Variants in MCU observed in about 807,000 individuals in gnomAD.
MCU encodes the protein calcium uniporter protein, mitochondrial.
A neutral mutation model predicts 45.2 loss-of-function variants in MCU; 12 were observed. The observed-to-expected ratio is 0.27, with a 90% CI of 0.17 to 0.43. The LOEUF (loss-of-function observed/expected upper bound fraction) is 0.43, where lower values mean the gene tolerates loss of function less well. MCU is among the 20% of genes least tolerant of loss of function. The pLI, the probability that MCU is intolerant of heterozygous loss-of-function variation, is 1.00. For synonymous variants in MCU, 160 were observed against 165.1 expected (o/e 0.97, Z 0.24); for missense variants, 324 against 436.7 (o/e 0.74, Z 2.30).
At chr10:72,851,669 T>C (rs201890669) in intron 2 of MCU, among the ~76,000 whole-genome samples, 8 of 152,322 alleles carry the variant, frequency 5.3e-5, no homozygotes, top group East Asian at 3.9e-4. Flanking sequence ...AACAGTGATG[T>C]TATCTGCATG....
chr10:72,869,016 C>T (rs532837008), intron 5 of MCU, among the ~76,000 whole-genome samples, 153 bp downstream of exon 5: 2 of 152,200 alleles, frequency 1.3e-5, no homozygotes, highest in African/African-American at 4.8e-5. Context: ...AAGTTTAAGT[C>T]AAAGCTAAGA....
At chr10:72,694,294 A>C (rs1842660224) in intron 1 of MCU, among the ~76,000 whole-genome samples, 1 of 152,230 alleles carries the variant, frequency 6.6e-6, no homozygotes, top group African/African-American at 2.4e-5. Flanking sequence ...ATTCTTTACA[A>C]GAAATTCCAT....
At chr10:72,750,053 G>A (rs1464074361) in intron 1 of MCU, among the ~76,000 whole-genome samples, 1 of 151,690 alleles carries the variant, frequency 6.6e-6, no homozygotes, top group African/African-American at 2.4e-5. Flanking sequence ...CCGAAGTGCT[G>A]GGATTACAGG....
intron 1 of MCU, among the ~76,000 whole-genome samples, chr10:72,779,211 C>T (rs993163473): frequency 1.1e-4 from 17 of 152,090 alleles, no homozygotes; most frequent in African/African-American, 4.1e-4. Context: ...TTCGTGATCC[C>T]CCCACCTCGG....
chr10:72,705,178 T>TA (rs1302459420), intron 1 of MCU, among the ~76,000 whole-genome samples: 1 of 152,064 alleles, frequency 6.6e-6, no homozygotes, highest in Non-Finnish European at 1.5e-5. Flanking sequence ...AAATTTTTTT[T>TA]AAAAAATCTT....
intron 1 of MCU, among the ~76,000 whole-genome samples, chr10:72,744,272 T>C (rs2061455439): frequency 6.6e-6 from 1 of 151,814 alleles, no homozygotes; most frequent in Admixed American, 6.6e-5. Context: ...GCGTAATATT[T>C]TGGAGAACTT....
At chr10:72,794,527 A>G (rs1237054749) in intron 1 of MCU, among the ~76,000 whole-genome samples, 1 of 152,136 alleles carries the variant, frequency 6.6e-6, no homozygotes, top group Non-Finnish European at 1.5e-5. Flanking sequence ...TTCTTGGCCT[A>G]TTTCTTGCCT....
rs1270743318 is a variant in MCU, at chr10:72,783,731, T to C, written c.151-50628T>C. Among the ~76,000 whole-genome samples the C allele has an allele frequency of 3.9e-5, 6 of 152,132 alleles. No homozygotes were observed. In the East Asian group the frequency reaches 1.2e-3, roughly 29 times the overall value. On this transcript the variant is annotated intron_variant, in intron 1 of 7. Coordinates refer to ENST00000373053, the MANE Select transcript of MCU (RefSeq NM_138357.3). ...GAGAGATCATGCCAAGAAAAACGCA[T>C]AGAGTGGGGTGGAGTGGAGTTGGGA... is the stretch of plus-strand genomic sequence containing the variant.
At chr10:72,869,526 T>G (rs1369870787) in intron 5 of MCU, among the ~76,000 whole-genome samples, 1 of 152,216 alleles carries the variant, frequency 6.6e-6, no homozygotes, top group Non-Finnish European at 1.5e-5. Flanking sequence ...AGGTGGAGGT[T>G]GCAGTGAGCC....
chr10:72,809,290 C>T lies in MCU; in HGVS notation c.151-25069C>T, dbSNP rs142294877. Among the ~76,000 whole-genome samples, 34 of 152,274 alleles carry T rather than the reference C, an allele frequency of 2.2e-4. No homozygotes were observed. The East Asian group carries it at 6.2e-3, about 28-fold the overall frequency. On this transcript the variant is annotated intron_variant, in intron 1 of 7. Coordinates refer to ENST00000373053, the MANE Select transcript of MCU (RefSeq NM_138357.3). ...GGCAGTCAGTGGAACTTGCTCCAAA[C>T]CACAAAGCTAATAAATGGAAGAGCT...
intron 1 of MCU, among the ~76,000 whole-genome samples, chr10:72,709,718 T>C (rs984950211): frequency 6.6e-6 from 1 of 152,206 alleles, no homozygotes; most frequent in Non-Finnish European, 1.5e-5. Flanking sequence ...TGAAATCTTG[T>C]TTTCTTTTTA....
chr10:72,766,386 A>C (rs1843726799), intron 1 of MCU, among the ~76,000 whole-genome samples: 2 of 152,184 alleles, frequency 1.3e-5, no homozygotes, highest in Admixed American at 6.6e-5. Flanking sequence ...TCTGCAGTTC[A>C]GATATCAGCT....
chr10:72,773,606 AAGAT>A (rs1368261168), intron 1 of MCU, among the ~76,000 whole-genome samples: 2 of 152,230 alleles, frequency 1.3e-5, no homozygotes, highest in Admixed American at 6.5e-5. Flanking sequence ...AAACTTGAAA[AAGAT>A]AGAAATATCC....
chr10:72,855,876 A>G (rs1845282872), intron 2 of MCU, among the ~76,000 whole-genome samples: 1 of 152,238 alleles, frequency 6.6e-6, no homozygotes, highest in Admixed American at 6.5e-5. Flanking sequence ...TAAATAAAAC[A>G]TGGATAAGGT....
intron 1 of MCU, among the ~76,000 whole-genome samples, chr10:72,797,846 A>C (rs963546646): frequency 9.2e-5 from 14 of 152,068 alleles, no homozygotes; most frequent in African/African-American, 3.4e-4. Context: ...TAATAGCATA[A>C]ACCACAGTTA....
rs572705374 is a variant in MCU, at chr10:72,867,819, C to T, written c.497-884C>T. Among the ~76,000 whole-genome samples the T allele has an allele frequency of 5.5e-5, 8 of 145,766 alleles. No individual in the cohort carries two copies. The East Asian group carries it at 1.6e-3, about 30-fold the overall frequency. ...GCAGTGAGCCGAGATCGCGCCACTGCACTCCAGCCTGGGTAACAGAGTGAG... is the reference window on the plus strand; with the variant it reads ...GCAGTGAGCCGAGATCGCGCCACTGTACTCCAGCCTGGGTAACAGAGTGAG... On this transcript the variant is annotated intron_variant, in intron 4 of 7. Transcript: ENST00000373053.
At chr10:72,869,847 G>T (rs1845514003) in intron 5 of MCU, among the ~76,000 whole-genome samples, 1 of 151,808 alleles carries the variant, frequency 6.6e-6, no homozygotes, top group African/African-American at 2.4e-5. Context: ...AGATACCTAG[G>T]GACAACTGTA....
chr10:72,725,272 C>T (rs890951844), intron 1 of MCU, among the ~76,000 whole-genome samples: 3 of 152,132 alleles, frequency 2.0e-5, no homozygotes, highest in Non-Finnish European at 4.4e-5. Context: ...ACTGCAGGTG[C>T]CTGCTACCAC....
chr10:72,766,910 C>T (rs561286103), intron 1 of MCU: 1 of 152,144 alleles, frequency 6.6e-6, no homozygotes, highest in African/African-American at 2.4e-5. Context: ...TCTACAGGAT[C>T]TAGCTTTGAT....
Sources: gnomAD v4.1 joint callset for allele counts (sites outside exome capture counted in the v4.1 genomes callset) on GRCh38, gnomAD v4.1.1 for gene constraint, MANE v1.5 for transcripts, NCBI Gene and HGNC (gene_info 2026-07-23, HGNC 2026-07-21) for gene names.